The following LRTM3 variants were observed in gnomAD, a reference collection of about 807,000 sequenced individuals.
LRTM3 encodes leucine rich repeat transmembrane protein 3.
chr13:102,734,867 AT>A, the LRTM3 span: 5 of 1,551,032 alleles, frequency 3.2e-6, no homozygotes, highest in Non-Finnish European at 4.4e-6. Context: ...GATGCTTACT[AT>A]TTGCACGTCA....
the LRTM3 span, chr13:102,730,821 G>T: frequency 6.4e-7 from 1 of 1,551,528 alleles, no homozygotes; most frequent in Admixed American, 2.0e-5. Context: ...AGCCCCAGGA[G>T]AAAACGAAGG....
At chr13:102,735,567 T>C in the LRTM3 span, 8 of 1,551,070 alleles carry the variant, frequency 5.2e-6, no homozygotes, top group Non-Finnish European at 7.0e-6. Flanking sequence ...TTTTTGGTAT[T>C]GAGTATATCT....
the LRTM3 span, chr13:102,744,112 C>T: frequency 2.6e-6 from 4 of 1,550,532 alleles, no homozygotes; most frequent in African/African-American, 1.4e-5. Flanking sequence ...TGTACCATTG[C>T]TTCCCTTTCA....
the LRTM3 span, chr13:102,747,668 T>C: frequency 1.2e-5 from 18 of 1,551,170 alleles, no homozygotes; most frequent in Non-Finnish European, 1.5e-5. Flanking sequence ...AACTGGCAAG[T>C]TCTCTGGCAT....
the LRTM3 span, chr13:102,730,498 A>G: frequency 3.2e-6 from 5 of 1,551,396 alleles, no homozygotes; most frequent in Non-Finnish European, 4.4e-6. Flanking sequence ...GAAACCATAC[A>G]TGATATTGTT....
At chr13:102,742,940 A>G in the LRTM3 span, 3 of 1,548,102 alleles carry the variant, frequency 1.9e-6, no homozygotes, top group South Asian at 3.6e-5. Context: ...CATCCTTGCG[A>G]GCCCAACTTT....
At chr13:102,746,143 T>C in the LRTM3 span, 1 of 1,551,166 alleles carries the variant, frequency 6.4e-7, no homozygotes, top group East Asian at 2.4e-5. Flanking sequence ...GTTCAAAACC[T>C]GTTTGGTGCT....
chr13:102,738,720 T>G, the LRTM3 span: 7 of 1,550,724 alleles, frequency 4.5e-6, no homozygotes, highest in Non-Finnish European at 6.1e-6. Context: ...TTTATTCTCA[T>G]GGCTTCCTCT....
chr13:102,746,432 A>C, the LRTM3 span: 1 of 1,551,170 alleles, frequency 6.4e-7, no homozygotes, highest in African/African-American at 1.4e-5. Flanking sequence ...CTCTCTCTGC[A>C]ATCTGCTATG....
At chr13:102,748,726 G>A in the LRTM3 span, 1 of 1,549,558 alleles carries the variant, frequency 6.5e-7, no homozygotes, top group Non-Finnish European at 8.7e-7. Context: ...GTGTAATTGA[G>A]TCTTTAAGAG....
chr13:102,740,316 G>C, the LRTM3 span: 1 of 1,550,172 alleles, frequency 6.5e-7, no homozygotes, highest in East Asian at 2.4e-5. Flanking sequence ...GAAATCAAGG[G>C]CACAATCCAT....
the LRTM3 span, chr13:102,735,134 T>G: frequency 6.4e-7 from 1 of 1,551,320 alleles, no homozygotes; most frequent in Non-Finnish European, 8.7e-7. Context: ...CTGGACCTTT[T>G]CCTCCTCTTG....
chr13:102,747,061 T>G, the LRTM3 span: 1 of 1,551,106 alleles, frequency 6.4e-7, no homozygotes, highest in Admixed American at 2.0e-5. Context: ...CATGCAGGAC[T>G]GCTTTTGGTA....
chr13:102,738,974 C>T, the LRTM3 span: 37 of 1,550,242 alleles, frequency 2.4e-5, no homozygotes, highest in East Asian at 9.8e-5. Context: ...TTTTTCAATA[C>T]TGCTTAAACT....
the LRTM3 span, chr13:102,745,273 G>T: frequency 6.4e-6 from 10 of 1,550,630 alleles, no homozygotes; most frequent in African/African-American, 1.4e-5. Flanking sequence ...CTTGAAGAAG[G>T]GTTTCTTTAA....
the LRTM3 span, chr13:102,730,317 C>G: frequency 1.9e-6 from 3 of 1,551,272 alleles, no homozygotes; most frequent in Non-Finnish European, 1.7e-6. Flanking sequence ...AACACACATT[C>G]CTCACTCTCA....
the LRTM3 span, chr13:102,736,270 T>C: frequency 6.4e-7 from 1 of 1,551,054 alleles, no homozygotes. Context: ...TCTGTCCTGC[T>C]CTCTCTTTCA....
the LRTM3 span, chr13:102,745,775 G>T: frequency 6.4e-7 from 1 of 1,551,114 alleles, no homozygotes; most frequent in Middle Eastern, 1.7e-4. Context: ...ATCAACCTTT[G>T]CTTCCCCAGA....
chr13:102,744,418 A>G, the LRTM3 span: 2 of 1,549,982 alleles, frequency 1.3e-6, no homozygotes, highest in Non-Finnish European at 1.7e-6. Flanking sequence ...AAGGGGTATC[A>G]CGTGGTATTG....
Sources: gnomAD v4.1 joint callset for allele counts on GRCh38, gnomAD v4.1.1 for gene constraint, MANE v1.5 for transcripts, NCBI Gene and HGNC (gene_info 2026-07-23, HGNC 2026-07-21) for gene names.